Variants in CCDC7 observed in about 807,000 individuals in gnomAD.
CCDC7 encodes the protein coiled-coil domain-containing protein 7.
In CCDC7, 183 loss-of-function variants were observed where a neutral mutation model predicts 196.9. The observed-to-expected ratio is 0.93, with a 90% CI of 0.82 to 1.05. The LOEUF (loss-of-function observed/expected upper bound fraction) is 1.05, where lower values mean the gene tolerates loss of function less well. CCDC7 is among the 50% of genes least tolerant of loss of function. The pLI is 0.00. For missense variants in CCDC7, 1,540 were observed against 1,482.2 expected (o/e 1.04, Z -0.64); for synonymous variants, 525 against 484.6 (o/e 1.08, Z -1.10).
chr10:32,778,908 C>A, intron 28 of CCDC7, 69 bp from the exon 30 acceptor site: 1 of 1,077,092 alleles, frequency 9.3e-7, no homozygotes, highest in Non-Finnish European at 1.4e-6. Flanking sequence ...TGGTTACATG[C>A]ATTGCTAGGT....
intron 20 of CCDC7, among the ~76,000 whole-genome samples, chr10:32,662,237 G>A (rs1047080441): frequency 2.6e-5 from 4 of 152,094 alleles, no homozygotes; most frequent in Admixed American, 6.6e-5. Flanking sequence ...AATGGGGGAG[G>A]GATGGCATTA....
chr10:32,556,449 A>G (rs937368666), intron 13 of CCDC7, among the ~76,000 whole-genome samples: 1 of 152,092 alleles, frequency 6.6e-6, no homozygotes, highest in Non-Finnish European at 1.5e-5. Flanking sequence ...AATTTTTATC[A>G]TATCTCAAAT....
At chr10:32,474,133 G>T in intron 8 of CCDC7, 110 bp downstream of exon 9, 1 of 1,011,346 alleles carries the variant, frequency 9.9e-7, no homozygotes, top group Non-Finnish European at 1.3e-6. Flanking sequence ...CTTGGAGTTT[G>T]GAGCCATATA....
intron 24 of CCDC7, among the ~76,000 whole-genome samples, chr10:32,705,519 C>G: frequency 6.6e-6 from 1 of 152,068 alleles, no homozygotes; most frequent in Non-Finnish European, 1.5e-5. Context: ...AAGACACAGA[C>G]TGACAAGTTG....
In CCDC7 at chr10:32,517,827, T is replaced by G; in HGVS notation, c.873-118T>G. 6 of 1,097,216 alleles carry G rather than the reference T, an allele frequency of 5.5e-6. 1 individual carries two copies. The South Asian group carries it at 1.0e-4, about 19-fold the overall frequency. The allele number at this position is 1,097,216 out of a possible 1,614,324, so 68.0% of individuals were successfully genotyped here. ...AAGTGGGATGCAAGGGAGGGCAGAA[T>G]AAAACAGCAGCAACTAATTACTGAA... On this transcript the variant is annotated intron_variant, in intron 9 of 41. Transcript: ENST00000639629.
At chr10:32,503,624 G>A (rs1411456425) in intron 9 of CCDC7, among the ~76,000 whole-genome samples, 1 of 152,140 alleles carries the variant, frequency 6.6e-6, no homozygotes, top group African/African-American at 2.4e-5. Context: ...TTATCAGGGT[G>A]ATTAATGAAG....
intron 18 of CCDC7, among the ~76,000 whole-genome samples, chr10:32,633,398 GTGTAAACC>G (rs1365810101): frequency 1.3e-5 from 2 of 151,868 alleles, no homozygotes; most frequent in Admixed American, 6.6e-5. Flanking sequence ...CTTTTCCACA[GTGTAAACC>G]TGACTGAACA....
At chr10:32,729,414 A>G (rs764997523) in exon 28 of CCDC7, 2 of 1,453,820 alleles carry the variant, frequency 1.4e-6, no homozygotes, top group Non-Finnish European at 1.9e-6. Context: ...CAAGAAGCGA[A>G]TCTCAAACGA....
intron 16 of CCDC7, among the ~76,000 whole-genome samples, chr10:32,580,546 T>C (rs2990963): frequency 6.6e-6 from 1 of 152,020 alleles, no homozygotes; most frequent in Non-Finnish European, 1.5e-5. Flanking sequence ...TTCTATAAAA[T>C]TGATTTTTAG....
At chr10:32,756,014 A>T (rs531429097) in intron 28 of CCDC7, among the ~76,000 whole-genome samples, 20 of 152,336 alleles carry the variant, frequency 1.3e-4, no homozygotes, top group African/African-American at 4.8e-4. Flanking sequence ...TCAGTGATCG[A>T]AGATCAAATG....
intron 21 of CCDC7, among the ~76,000 whole-genome samples, chr10:32,668,417 G>A (rs866804948): frequency 1.3e-5 from 2 of 152,112 alleles, no homozygotes; most frequent in South Asian, 2.1e-4. Context: ...TTGGATAGGA[G>A]TGGTGAGAGA....
chr10:32,855,767 T>C (rs529346472), intron 41 of CCDC7, among the ~76,000 whole-genome samples: 2 of 152,292 alleles, frequency 1.3e-5, no homozygotes, highest in Admixed American at 1.3e-4. Context: ...AGGGACCCGA[T>C]AGTCAAAATA....
intron 28 of CCDC7, among the ~76,000 whole-genome samples, chr10:32,733,942 AGTT>A (rs1318393711): frequency 6.6e-6 from 1 of 152,148 alleles, no homozygotes; most frequent in Non-Finnish European, 1.5e-5. Flanking sequence ...ATGTTGGTGA[AGTT>A]GTGGAGAAAA....
At chr10:32,484,251 T>C (rs142589503) in intron 8 of CCDC7, among the ~76,000 whole-genome samples, 226 of 152,288 alleles carry the variant, frequency 1.5e-3, no homozygotes, top group Middle Eastern at 0.014. Flanking sequence ...TTATTCTCTT[T>C]GAAGCAATTG....
chr10:32,458,918 A>G (rs1273323976), intron 3 of CCDC7, among the ~76,000 whole-genome samples: 1 of 152,032 alleles, frequency 6.6e-6, no homozygotes, highest in Admixed American at 6.5e-5. Context: ...CTAATCCACA[A>G]ACATAGGATG....
At chr10:32,556,899 T>C (rs1246981405) in intron 13 of CCDC7, among the ~76,000 whole-genome samples, 1 of 152,246 alleles carries the variant, frequency 6.6e-6, no homozygotes, top group Non-Finnish European at 1.5e-5. Context: ...CAACTTCCTC[T>C]CTGAAGTTAC....
At position 32,648,877 on chromosome 10, in the gene CCDC7, A is replaced by G. The variant is rs539190070; in HGVS notation, c.2014+13719A>G. The stretch of plus-strand genomic sequence containing the variant: ...TGGTGTTTTATGTCGTTACAGCACT[A>G]TTTACAATAGGAAAGTCATGGAATT... On this transcript the variant is annotated intron_variant, in intron 20 of 41. Coordinates refer to ENST00000639629, the Ensembl canonical transcript of CCDC7. Among the ~76,000 whole-genome samples, 7 of 152,282 alleles carry G rather than the reference A, an allele frequency of 4.6e-5. No individual in the cohort carries two copies. The East Asian group carries it at 1.4e-3, about 29-fold the overall frequency.
At chr10:32,449,013 C>T (rs140143434), upstream of CCDC7, among the ~76,000 whole-genome samples, 83 of 151,882 alleles carry the variant, frequency 5.5e-4, no homozygotes, top group East Asian at 0.012. Flanking sequence ...TGTGATTACT[C>T]GTGTTGTTTT....
intron 18 of CCDC7, among the ~76,000 whole-genome samples, chr10:32,595,448 A>G (rs2138045588): frequency 6.6e-6 from 1 of 151,580 alleles, no homozygotes; most frequent in South Asian, 2.1e-4. Context: ...TTTTCTTTTT[A>G]GTCTTGCGAG....
Sources: gnomAD v4.1 joint callset for allele counts (sites outside exome capture counted in the v4.1 genomes callset) on GRCh38, gnomAD v4.1.1 for gene constraint, MANE v1.5 for transcripts, NCBI Gene and HGNC (gene_info 2026-07-23, HGNC 2026-07-21) for gene names.